Variants in CCSER1 observed in about 807,000 individuals in gnomAD.
The protein encoded by CCSER1 is coiled-coil serine rich protein 1.
CCSER1 carries 41 observed loss-of-function variants against 82.0 expected under a neutral mutation model. The ratio of observed to expected loss-of-function variants is 0.50; its 90% CI spans 0.39 to 0.65. CCSER1 has a LOEUF of 0.65. Ranked by LOEUF, CCSER1 falls within the 30% of genes least tolerant of loss-of-function variation. The pLI is 0.00. For missense variants in CCSER1, 1,119 were observed against 1,064.2 expected (o/e 1.05, Z -0.72); for synonymous variants, 414 against 383.9 (o/e 1.08, Z -0.92).
intron 5 of CCSER1, among the ~76,000 whole-genome samples, chr4:90,517,275 T>C (rs1014221740): frequency 6.6e-6 from 1 of 152,158 alleles, no homozygotes; most frequent in African/African-American, 2.4e-5. Flanking sequence ...TGTGTATTGT[T>C]TTTGCTTTAT....
At chr4:90,194,031 T>C (rs1031449325) in intron 1 of CCSER1, among the ~76,000 whole-genome samples, 1 of 152,184 alleles carries the variant, frequency 6.6e-6, no homozygotes, top group African/African-American at 2.4e-5. Context: ...TGAAATATGT[T>C]GATGTATTAA....
At chr4:90,841,908 A>G (rs1045369414) in intron 8 of CCSER1, among the ~76,000 whole-genome samples, 6 of 152,216 alleles carry the variant, frequency 3.9e-5, no homozygotes, top group East Asian at 1.9e-4. Flanking sequence ...AAGTTGCCCA[A>G]TGAATGAGAA....
chr4:90,490,221 G>T (rs955777140), intron 5 of CCSER1, among the ~76,000 whole-genome samples: 6 of 152,098 alleles, frequency 3.9e-5, no homozygotes, highest in African/African-American at 1.4e-4. Context: ...ATTCTAACTG[G>T]TGTGAGATGG....
Position 90,409,596 on chromosome 4 carries a change from C to T in CCSER1, c.1603+9467C>T, listed in dbSNP as rs941160718. Among the ~76,000 whole-genome samples the T allele has an allele frequency of 1.0e-3, 153 of 152,214 alleles. 3 individuals are homozygous for T. Among genetic ancestry groups the T allele is most frequent in the Admixed American group, 1.4e-3 (21 of 15,288 alleles). The stretch of plus-strand genomic sequence containing the variant: ...AGCAAATGCTGAGAGATTTTGTCAC[C>T]ACCAGACCTGCCCTAAAAGTGCTCC... On this transcript the variant is annotated intron_variant, in intron 4 of 10. Transcript: ENST00000509176.
intron 9 of CCSER1, among the ~76,000 whole-genome samples, chr4:91,065,118 C>A (rs1037019252): frequency 6.6e-6 from 1 of 151,240 alleles, no homozygotes; most frequent in South Asian, 2.1e-4. Context: ...GGCCTTAGAC[C>A]ATGTTAAATG....
intron 10 of CCSER1, among the ~76,000 whole-genome samples, chr4:91,307,263 T>TA (rs540022614): frequency 2.0e-4 from 30 of 151,630 alleles, no homozygotes; most frequent in South Asian, 1.0e-3. Flanking sequence ...TATGAAACAA[T>TA]AAAAAAAAGG....
intron 1 of CCSER1, among the ~76,000 whole-genome samples, chr4:90,172,102 C>G (rs1049007058): frequency 2.0e-5 from 3 of 151,884 alleles, no homozygotes; most frequent in South Asian, 2.1e-4. Context: ...AGGCCATGCT[C>G]TTTGCTCATG....
At chr4:91,580,246 C>T (rs1053441537) in intron 10 of CCSER1, among the ~76,000 whole-genome samples, 1 of 151,750 alleles carries the variant, frequency 6.6e-6, no homozygotes, top group African/African-American at 2.4e-5. Flanking sequence ...CTTTTGGTGA[C>T]ATATTAGATA....
intron 8 of CCSER1, among the ~76,000 whole-genome samples, chr4:90,903,031 G>A (rs1724895138): frequency 6.6e-6 from 1 of 152,068 alleles, no homozygotes. Flanking sequence ...AGCTGCAGCT[G>A]GCAGGTACAC....
intron 10 of CCSER1, among the ~76,000 whole-genome samples, chr4:91,518,281 A>G (rs1381074698): frequency 4.6e-5 from 7 of 152,116 alleles, no homozygotes; most frequent in African/African-American, 1.7e-4. Flanking sequence ...AATTAGTGCT[A>G]TTGGCTCATG....
intron 5 of CCSER1, among the ~76,000 whole-genome samples, chr4:90,481,638 T>C (rs1199717071): frequency 6.6e-6 from 1 of 152,228 alleles, no homozygotes; most frequent in Admixed American, 6.5e-5. Flanking sequence ...CATGTGGTTT[T>C]TGTCATTGGT....
chr4:91,115,734 C>T (rs1045676175), intron 10 of CCSER1, among the ~76,000 whole-genome samples: 9 of 149,190 alleles, frequency 6.0e-5, no homozygotes, highest in Non-Finnish European at 8.9e-5. Context: ...GGATATATAA[C>T]GAAAGTTGGA....
At chr4:90,951,470 A>G (rs1384700588) in intron 9 of CCSER1, among the ~76,000 whole-genome samples, 2 of 152,186 alleles carry the variant, frequency 1.3e-5, no homozygotes, top group East Asian at 3.9e-4. Context: ...TCTTCCTTTC[A>G]TAAATGTCTC....
At chr4:91,419,217 A>G (rs1753558643) in intron 10 of CCSER1, among the ~76,000 whole-genome samples, 1 of 152,040 alleles carries the variant, frequency 6.6e-6, no homozygotes. Flanking sequence ...AGATAATACT[A>G]GAAGTCTTAG....
intron 10 of CCSER1, among the ~76,000 whole-genome samples, chr4:91,092,580 A>G (rs1438773850): frequency 2.0e-5 from 3 of 152,160 alleles, no homozygotes; most frequent in African/African-American, 7.2e-5. Context: ...CAAGTGTGAG[A>G]TGTAGAAATA....
intron 10 of CCSER1, among the ~76,000 whole-genome samples, chr4:91,486,349 G>A (rs898051404): frequency 2.6e-5 from 4 of 151,826 alleles, no homozygotes; most frequent in Non-Finnish European, 5.9e-5. Flanking sequence ...ATTTAATATG[G>A]CTTGAAATAA....
intron 6 of CCSER1, among the ~76,000 whole-genome samples, chr4:90,716,343 G>A (rs1206664533): frequency 1.3e-5 from 2 of 151,780 alleles, no homozygotes; most frequent in African/African-American, 4.8e-5. Context: ...GCATTTTTGT[G>A]ATAAAGTCTT....
At chr4:90,574,413 C>T (rs547454805) in intron 5 of CCSER1, among the ~76,000 whole-genome samples, 56 of 151,102 alleles carry the variant, frequency 3.7e-4, no homozygotes, top group Admixed American at 2.3e-3. Context: ...GGACTACAGG[C>T]GCCCGCCACC....
intron 7 of CCSER1, among the ~76,000 whole-genome samples, chr4:90,805,513 G>A (rs975130705): frequency 6.6e-6 from 1 of 152,176 alleles, no homozygotes; most frequent in African/African-American, 2.4e-5. Context: ...TGAAAGTCAT[G>A]CAGAGTCATC....
Sources: gnomAD v4.1 joint callset for allele counts (sites outside exome capture counted in the v4.1 genomes callset) on GRCh38, gnomAD v4.1.1 for gene constraint, MANE v1.5 for transcripts, NCBI Gene and HGNC (gene_info 2026-07-23, HGNC 2026-07-21) for gene names.